The following BAALC variants were observed in gnomAD, a reference collection of about 807,000 sequenced individuals.
The protein encoded by BAALC is BAALC binder of MAP3K1 and KLF4.
Under a neutral mutation model 15.5 loss-of-function variants are expected in BAALC, and 9 were observed. That is an observed-to-expected ratio of 0.58 (90% CI 0.35 to 1.02). The LOEUF is 1.02. BAALC is among the 50% of genes least tolerant of loss of function. The pLI is 0.02. For missense variants in BAALC, 201 were observed against 192.4 expected (o/e 1.04, Z -0.27); for synonymous variants, 80 against 74.6 (o/e 1.07, Z -0.37).
chr8:103,198,009 G>C (rs1812133153), intron 1 of BAALC: 1 of 621,374 alleles, frequency 1.6e-6, no homozygotes, highest in Admixed American at 2.8e-5. Context: ...TCTGCTCTGT[G>C]AGGACTAACC....
At chr8:103,187,106 A>T (rs755309051) in intron 1 of BAALC, among the ~76,000 whole-genome samples, 1 of 152,168 alleles carries the variant, frequency 6.6e-6, no homozygotes, top group Non-Finnish European at 1.5e-5. Flanking sequence ...TGCTTTAGAA[A>T]GTGCCCCCTC....
intron 1 of BAALC, among the ~76,000 whole-genome samples, chr8:103,194,962 T>A (rs1812059239): frequency 6.6e-6 from 1 of 152,120 alleles, no homozygotes; most frequent in African/African-American, 2.4e-5. Context: ...GGGAGTAAGT[T>A]TCAACATGAA....
At chr8:103,157,855 A>C (rs986068683) in intron 1 of BAALC, among the ~76,000 whole-genome samples, 1 of 152,202 alleles carries the variant, frequency 6.6e-6, no homozygotes, top group African/African-American at 2.4e-5. Flanking sequence ...GACTATATTA[A>C]ATTGTCATTT....
At chr8:103,169,422 C>G (rs143123076) in intron 1 of BAALC, among the ~76,000 whole-genome samples, 2 of 152,230 alleles carry the variant, frequency 1.3e-5, no homozygotes, top group Non-Finnish European at 2.9e-5. Context: ...TCTCTTGTTT[C>G]GTGGCTTTCC....
At chr8:103,146,124 A>AT (rs1413446190) in intron 1 of BAALC, among the ~76,000 whole-genome samples, 35 of 152,354 alleles carry the variant, frequency 2.3e-4, no homozygotes. Flanking sequence ...TCAGGTCAGC[A>AT]TTGTCCATGG....
At chr8:103,173,661 G>GT (rs565188418) in intron 1 of BAALC, among the ~76,000 whole-genome samples, 7 of 152,274 alleles carry the variant, frequency 4.6e-5, no homozygotes, top group Admixed American at 1.3e-4. Context: ...GTAAAGAAAA[G>GT]TTTTTTATGA....
At chr8:103,146,601 G>T (rs1810886767) in intron 1 of BAALC, among the ~76,000 whole-genome samples, 1 of 152,164 alleles carries the variant, frequency 6.6e-6, no homozygotes, top group South Asian at 2.1e-4. Context: ...TCTCATAAAT[G>T]AATAAATCTA....
At chr8:103,157,116 G>A (rs927856345) in intron 1 of BAALC, 1 of 127,456 alleles carries the variant, frequency 7.8e-6, no homozygotes, top group African/African-American at 2.9e-5. Context: ...ATCTGAATAT[G>A]TGTGTAGGTA....
chr8:103,224,943 TA>T (rs966803627), intron 2 of BAALC, among the ~76,000 whole-genome samples: 4 of 152,004 alleles, frequency 2.6e-5, no homozygotes, highest in African/African-American at 9.7e-5. Context: ...TGGGCAAGAT[TA>T]AAAAAAATCA....
At chr8:103,222,238 C>G (rs77810104) in intron 2 of BAALC, among the ~76,000 whole-genome samples, 9,260 of 151,898 alleles carry the variant, frequency 0.061, 317 homozygotes, top group South Asian at 0.1. Context: ...GTGGCTGGCT[C>G]TTAGTTGATT....
chr8:103,178,199 A>G (rs1196545666), intron 1 of BAALC, among the ~76,000 whole-genome samples: 3 of 152,246 alleles, frequency 2.0e-5, no homozygotes, highest in Non-Finnish European at 4.4e-5. Flanking sequence ...TTTTTAACTC[A>G]TTGATGAGGG....
chr8:103,199,517 G>C (rs1284352604), intron 1 of BAALC, among the ~76,000 whole-genome samples: 1 of 150,940 alleles, frequency 6.6e-6, no homozygotes, highest in East Asian at 1.9e-4. Context: ...GCACCCAAGG[G>C]ATACTAGATA....
At chr8:103,193,157 C>CT (rs1812011117) in intron 1 of BAALC, among the ~76,000 whole-genome samples, 1 of 152,254 alleles carries the variant, frequency 6.6e-6, no homozygotes, top group Admixed American at 6.5e-5. Context: ...ATAGAAAGAG[C>CT]TTGTGAACAT....
intron 2 of BAALC, among the ~76,000 whole-genome samples, chr8:103,226,600 A>G (rs958282688): frequency 2.0e-5 from 3 of 152,226 alleles, no homozygotes; most frequent in Non-Finnish European, 4.4e-5. Context: ...CCCCTCACCA[A>G]TGCTGTTTTC....
At chr8:103,224,697 G>A (rs10103573) in intron 2 of BAALC, among the ~76,000 whole-genome samples, 33,903 of 152,052 alleles carry the variant, frequency 0.22, 4,024 homozygotes, top group Middle Eastern at 0.34. Flanking sequence ...GGAAAAAAAA[G>A]GAAGGGGAAA....
At chr8:103,143,728 A>G (rs1810830004) in intron 1 of BAALC, among the ~76,000 whole-genome samples, 1 of 152,210 alleles carries the variant, frequency 6.6e-6, no homozygotes, top group Admixed American at 6.5e-5. Flanking sequence ...TTTGAGGGCT[A>G]GGGGAGAAGC....
chr8:103,167,164 T>C (rs1272243846), intron 1 of BAALC, among the ~76,000 whole-genome samples: 2 of 152,216 alleles, frequency 1.3e-5, no homozygotes, highest in Non-Finnish European at 2.9e-5. Flanking sequence ...AGGCTTCAGA[T>C]ACTAAGATAG....
At chr8:103,172,354 C>T (rs368324660) in intron 1 of BAALC, among the ~76,000 whole-genome samples, 3 of 143,962 alleles carry the variant, frequency 2.1e-5, no homozygotes, top group African/African-American at 7.6e-5. Context: ...AATAGAAGGT[C>T]ATTAGGATTA....
chr8:103,152,473 T>G (rs906979176), intron 1 of BAALC, among the ~76,000 whole-genome samples: 7 of 152,218 alleles, frequency 4.6e-5, no homozygotes, highest in African/African-American at 1.7e-4. Flanking sequence ...AGTGGCCATC[T>G]GGTCATTTCC....
Sources: allele counts gnomAD v4.1 joint callset (sites outside exome capture counted in the v4.1 genomes callset), GRCh38; gene constraint gnomAD v4.1.1; transcripts MANE v1.5; gene names NCBI Gene and HGNC (gene_info 2026-07-23, HGNC 2026-07-21).